INF2: variants seen among roughly 807,000 people sequenced by gnomAD.
INF2 encodes the protein inverted formin-2.
In INF2, 43 loss-of-function variants were observed where a neutral mutation model predicts 123.5. That is an observed-to-expected ratio of 0.35 (90% CI 0.27 to 0.45). The LOEUF (loss-of-function observed/expected upper bound fraction) is 0.45. INF2 is among the 20% of genes least tolerant of loss of function. The probability of loss-of-function intolerance (pLI) is 1.00; values close to 1 mark genes in which losing one functional copy is unlikely to be tolerated. For missense variants in INF2, 1,453 were observed against 1,682.7 expected, an observed-to-expected ratio of 0.86 and a Z score of 2.39; for synonymous variants, 851 against 745.0, an observed-to-expected ratio of 1.14 and a Z score of -2.32.
chr14:104,718,401 T>C (rs1890414375), intron 22 of INF2, among the ~76,000 whole-genome samples: 1 of 151,924 alleles, frequency 6.6e-6, no homozygotes. Flanking sequence ...GCTGGGGTCC[T>C]CGTGTGGGGC....
intron 1 of INF2, among the ~76,000 whole-genome samples, chr14:104,683,187 G>A (rs1277133937): frequency 6.6e-6 from 1 of 152,034 alleles, no homozygotes; most frequent in Non-Finnish European, 1.5e-5. Flanking sequence ...CTGCAATGGG[G>A]GAGGGGAGGG....
chr14:104,711,811 C>A (rs1473696789), intron 16 of INF2, 112 bp downstream of exon 16: 2 of 964,140 alleles, frequency 2.1e-6, no homozygotes, highest in Non-Finnish European at 3.2e-6. Flanking sequence ...GCAGCGCAGC[C>A]CCGGCGCCAC....
chr14:104,715,330 G>A lies in INF2; in HGVS notation c.3741G>A (p.Val1247=), dbSNP rs760450756. The A allele has an allele frequency of 1.9e-6, 3 of 1,613,456 alleles. No individual in the cohort carries two copies. Among genetic ancestry groups the A allele is most frequent in the South Asian group, 2.2e-5 (2 of 91,088 alleles). The part of the protein sequence containing the change: ...SDDNKTKKLC[V]IQ The stretch of plus-strand genomic sequence containing the variant: ...ATAATAAAACAAAGAAACTGTGTGT[G>A]ATCCAGTAAGGTATGTACGCAGCCG... Residue 1247 remains valine, a synonymous_variant, in exon 22 of 23, where the codon GTG becomes GTA. Coordinates refer to ENST00000392634, the MANE Select transcript of INF2 (RefSeq NM_022489.4).
chr14:104,718,606 C>T (rs1299481427), intron 22 of INF2, among the ~76,000 whole-genome samples, 189 bp from the exon 23 acceptor site: 2 of 152,160 alleles, frequency 1.3e-5, no homozygotes, highest in Non-Finnish European at 1.5e-5. Context: ...CAGCCCGGCA[C>T]CTTCCACCTA....
chr14:104,689,828 G>A (rs1888849395), intron 1 of INF2, 89 bp downstream of exon 1: 7 of 795,800 alleles, frequency 8.8e-6, no homozygotes, highest in Non-Finnish European at 1.1e-5. Context: ...CAGGAGCGAG[G>A]TTCCGGGCTG....
At chr14:104,681,464 G>A (rs1888522599) in exon 1 of INF2, 3 of 802,220 alleles carry the variant, frequency 3.7e-6, no homozygotes, top group Non-Finnish European at 3.7e-6. Flanking sequence ...GCCTGATGTA[G>A]AAAGCACTCA....
In INF2 at chr14:104,684,158, G is replaced by A. The variant is rs574950810; in HGVS notation, c.-104+2576G>A. ...TCTCCCCATCATGCAAGTAACCTGC[G>A]TGCCGCCACGGGAAACAGCACGCAT... is the stretch of plus-strand genomic sequence containing the variant. On this transcript the variant is annotated intron_variant, in intron 1 of 2. Coordinates refer to the INF2 transcript ENST00000674723. This position sits in a 1 kb window ranked among gnomAD's most constrained non-coding sequence, Gnocchi z 5.0. 9.0e-4 allele frequency: 411 copies of A among 455,780 alleles called. 4 individuals carry two copies. Among genetic ancestry groups the A allele is most frequent in the Middle Eastern group, 5.2e-3 (16 of 3,066 alleles). 28.2% of individuals were successfully genotyped at this position (455,780 alleles called of 1,614,324 possible).
At position 104,692,961 on chromosome 14, in the gene INF2, A is replaced by C. The variant is rs367609840; in HGVS notation, c.-10+3222A>C. Reference sequence around the variant, plus strand: ...CTCAGTTCACTCCTGTTCTCACCCCAGAAGGGTGACTGGCCGTGGCTGGGG... The same window carrying C: ...CTCAGTTCACTCCTGTTCTCACCCCCGAAGGGTGACTGGCCGTGGCTGGGG... On this transcript the variant is annotated intron_variant, in intron 1 of 22. Transcript: ENST00000392634. Among the ~76,000 whole-genome samples the C allele has an allele frequency of 3.2e-3, 490 of 152,326 alleles. 3 individuals are homozygous for C. Among genetic ancestry groups the C allele is most frequent in the African/African-American group, 0.011 (446 of 41,584 alleles).
rs558951012 is a variant in INF2 at position 104,721,951 on chromosome 14, G to A, written c.*3158G>A. 6.6e-6 allele frequency: 1 copy of A among 152,476 alleles called. No homozygotes were observed. The highest frequency in any genetic ancestry group is 2.4e-5 in the African/African-American group (1 of 41,582). 9.4% of individuals were successfully genotyped at this position (152,476 alleles called of 1,614,324 possible). On this transcript the variant is annotated 3_prime_UTR_variant, in exon 23 of 23. Coordinates refer to ENST00000392634, the MANE Select transcript of INF2 (RefSeq NM_022489.4). Reference sequence around the variant, plus strand: ...GTGTCTGTGTGTCCTGGGCCACTGTGTGCGATGGTCCCACTGGGAGGTGTG... The same window carrying A: ...GTGTCTGTGTGTCCTGGGCCACTGTATGCGATGGTCCCACTGGGAGGTGTG...
At chr14:104,697,922 C>T (rs751998111) in intron 1 of INF2, among the ~76,000 whole-genome samples, 4 of 152,234 alleles carry the variant, frequency 2.6e-5, no homozygotes, top group Non-Finnish European at 5.9e-5. Flanking sequence ...TCTTGGTGCC[C>T]TGACCCTTTT....
intron 16 of INF2, among the ~76,000 whole-genome samples, chr14:104,712,175 T>C (rs991775671): frequency 1.3e-5 from 2 of 152,118 alleles, no homozygotes; most frequent in African/African-American, 2.4e-5. Flanking sequence ...GAAGGTTCTC[T>C]GGCTCAGGAG....
At chr14:104,685,274 A>G (rs1473671497), upstream of INF2, among the ~76,000 whole-genome samples, 1 of 152,124 alleles carries the variant, frequency 6.6e-6, no homozygotes, top group Non-Finnish European at 1.5e-5. Context: ...TCCTCAGACC[A>G]GGGATAAGCC....
In INF2 at chr14:104,715,350, C is replaced by T. The variant is rs1166461167; in HGVS notation, c.*1+10C>T. ...TGTGTGATCCAGTAAGGTATGTACG[C>T]AGCCGGCGCTCCGTGGGGGCTAACA... is the stretch of plus-strand genomic sequence containing the variant. On this transcript the variant is annotated intron_variant, in intron 22 of 22. Coordinates refer to ENST00000392634, the MANE Select transcript of INF2 (RefSeq NM_022489.4). The T allele has an allele frequency of 3.1e-6, 5 of 1,612,528 alleles. No homozygotes were observed. The highest frequency in any genetic ancestry group is 4.2e-6 in the Non-Finnish European group (5 of 1,179,170).
chr14:104,715,050 T>C (rs1214354610), intron 21 of INF2, among the ~76,000 whole-genome samples, 194 bp downstream of exon 21: 1 of 152,150 alleles, frequency 6.6e-6, no homozygotes, highest in Non-Finnish European at 1.5e-5. Context: ...CGTGCAACTA[T>C]TCCTCCAACC....
chr14:104,704,883 G>A (rs1889704328), intron 5 of INF2: 1 of 152,246 alleles, frequency 6.6e-6, no homozygotes, highest in African/African-American at 2.4e-5. Context: ...ATATTTTGGT[G>A]TAAGTATATC....
rs2140729279 is a variant in INF2, at chr14:104,722,364, T to A, written c.*3571T>A. On this transcript the variant is annotated 3_prime_UTR_variant, in exon 23 of 23. Coordinates refer to ENST00000392634, the MANE Select transcript of INF2 (RefSeq NM_022489.4). Reference sequence around the variant, plus strand: ...AGCATGTCCCCCAGTCCCCCAAGCCTCTATCTGACATCTGCTAGCCCAGAG... The same window carrying A: ...AGCATGTCCCCCAGTCCCCCAAGCCACTATCTGACATCTGCTAGCCCAGAG... 6.6e-6 allele frequency: 1 copy of A among 152,352 alleles called. No homozygotes were observed. Among genetic ancestry groups the A allele is most frequent in the East Asian group, 1.9e-4 (1 of 5,174 alleles). The allele number at this position is 152,352 out of a possible 1,614,324, so 9.4% of individuals were successfully genotyped here. A position where few individuals can be genotyped will look rare whatever the true frequency, so the allele number is the denominator to read the frequency against.
At chr14:104,683,589 CT>C (rs1888585645) in intron 1 of INF2, among the ~76,000 whole-genome samples, 1 of 150,646 alleles carries the variant, frequency 6.6e-6, no homozygotes, top group South Asian at 2.1e-4. Flanking sequence ...TTCATAAATA[CT>C]TCTGAAACCC....
rs76501953 is a variant in INF2 at position 104,713,892 on chromosome 14, C to A, written c.3040+286C>A. Among the ~76,000 whole-genome samples, 2,703 of 152,356 alleles carry A rather than the reference C, an allele frequency of 0.018. 68 individuals are homozygous for A. Among genetic ancestry groups the A allele is most frequent in the African/African-American group, 0.06 (2,488 of 41,578 alleles). ...GAGAGATGAGGCCAGGCCCACTGAC[C>A]GATGCCCTTGGGCTCAGAGGGTGCT... On this transcript the variant is annotated intron_variant, in intron 20 of 22. Coordinates refer to ENST00000392634, the MANE Select transcript of INF2 (RefSeq NM_022489.4).
rs1441830649 is a variant in INF2, at chr14:104,720,914, C to T, written c.*2121C>T. On this transcript the variant is annotated 3_prime_UTR_variant, in exon 23 of 23. Coordinates refer to ENST00000392634, the MANE Select transcript of INF2 (RefSeq NM_022489.4). The stretch of plus-strand genomic sequence containing the variant: ...GTCCTCGTGTGGATGCTGCTGTGGA[C>T]GTCTGCGTCGTCCTCGTGTGGATGC... The T allele has an allele frequency of 4.5e-5, 2 of 44,470 alleles. No individual in the cohort carries two copies. The highest frequency in any genetic ancestry group is 2.1e-4 in the Admixed American group (1 of 4,848). 2.8% of individuals were successfully genotyped at this position (44,470 alleles called of 1,614,324 possible).
Sources: gnomAD v4.1 joint callset for allele counts (sites outside exome capture counted in the v4.1 genomes callset) on GRCh38, gnomAD v4.1.1 for gene constraint, Gnocchi (gnomAD v3.1) non-coding constraint, MANE v1.5 for transcripts, NCBI Gene and HGNC (gene_info 2026-07-23, HGNC 2026-07-21) for gene names.